SDK1: variants seen among roughly 807,000 people sequenced by gnomAD.
SDK1 encodes the protein sidekick cell adhesion molecule 1.
In SDK1, 157 loss-of-function variants were observed where a neutral mutation model predicts 245.5. That is an observed-to-expected ratio of 0.64 (90% CI 0.56 to 0.73). SDK1 has a LOEUF of 0.73. SDK1 is among the 30% of genes least tolerant of loss of function. The pLI, the probability that SDK1 is intolerant of heterozygous loss-of-function variation, is 0.00. For synonymous variants in SDK1, 1,647 were observed against 1,278.5 expected, an observed-to-expected ratio of 1.29 and a Z score of -6.15; for missense variants, 3,583 against 3,002.3, an observed-to-expected ratio of 1.19 and a Z score of -4.52.
At chr7:3,955,572 G>A (rs1481523501) in intron 7 of SDK1, among the ~76,000 whole-genome samples, 4 of 152,204 alleles carry the variant, frequency 2.6e-5, no homozygotes, top group East Asian at 1.9e-4. Flanking sequence ...GTGGACTAGC[G>A]TGCAGTGCAG....
At chr7:4,085,491 G>A (rs1388154751) in intron 22 of SDK1, among the ~76,000 whole-genome samples, 1 of 151,992 alleles carries the variant, frequency 6.6e-6, no homozygotes, top group African/African-American at 2.4e-5. Context: ...TTCATTTCAG[G>A]ACTTGTTTTG....
chr7:3,411,208 A>G (rs921727959), intron 1 of SDK1, among the ~76,000 whole-genome samples: 4 of 152,118 alleles, frequency 2.6e-5, no homozygotes, highest in African/African-American at 7.2e-5. Context: ...AAGAGGAAGA[A>G]TCATGTAGTT....
chr7:3,396,217 A>T (rs991084016), intron 1 of SDK1, among the ~76,000 whole-genome samples: 2 of 151,702 alleles, frequency 1.3e-5, no homozygotes, highest in African/African-American at 4.8e-5. Context: ...TTTTTCTTTG[A>T]CCCGTATTTA....
At chr7:3,607,262 C>G (rs1236448673) in intron 1 of SDK1, among the ~76,000 whole-genome samples, 1 of 152,080 alleles carries the variant, frequency 6.6e-6, no homozygotes, top group Non-Finnish European at 1.5e-5. Context: ...TTCATAAGCA[C>G]CTTAGATCCT....
chr7:3,315,070 A>G (rs1436653592), intron 1 of SDK1, among the ~76,000 whole-genome samples: 3 of 152,148 alleles, frequency 2.0e-5, no homozygotes, highest in South Asian at 2.1e-4. Context: ...GGTGACCTTC[A>G]CAAATGATGA....
At chr7:4,131,714 C>A (rs998168853) in intron 27 of SDK1, among the ~76,000 whole-genome samples, 11 of 151,812 alleles carry the variant, frequency 7.2e-5, no homozygotes, top group Non-Finnish European at 2.9e-5. Flanking sequence ...CACCTAGCTG[C>A]TTTTTCAGTT....
rs139298619 is a variant in SDK1 at position 3,451,306 on chromosome 7, G to T, written c.298+149422G>T. On this transcript the variant is annotated intron_variant, in intron 1 of 44. Transcript: ENST00000404826. ...AGGGACCGCTTTCCCACTGAGTCTG[G>T]AGAGAGGAAGGAACGTTTTAGGATT... Among the ~76,000 whole-genome samples, 11 of 152,294 alleles carry T rather than the reference G, an allele frequency of 7.2e-5. No homozygotes were observed. In the South Asian group the frequency reaches 1.5e-3, roughly 20 times the overall value.
intron 5 of SDK1, among the ~76,000 whole-genome samples, chr7:3,873,854 T>C (rs1781013090): frequency 6.6e-6 from 1 of 152,220 alleles, no homozygotes; most frequent in African/African-American, 2.4e-5. Flanking sequence ...TCCTATATGT[T>C]ATTTACTATT....
intron 4 of SDK1, among the ~76,000 whole-genome samples, chr7:3,702,146 T>G (rs1489213454): frequency 6.6e-6 from 1 of 152,128 alleles, no homozygotes; most frequent in African/African-American, 2.4e-5. Flanking sequence ...AAGTTGGAAT[T>G]CATTAAAATT....
intron 5 of SDK1, among the ~76,000 whole-genome samples, chr7:3,862,946 T>A (rs1156515017): frequency 6.7e-6 from 1 of 150,290 alleles, no homozygotes; most frequent in African/African-American, 2.5e-5. Flanking sequence ...GGGAATCCAG[T>A]GCCACCGCTG....
chr7:3,649,344 A>G (rs1583270252), intron 4 of SDK1, among the ~76,000 whole-genome samples: 2 of 152,020 alleles, frequency 1.3e-5, no homozygotes, highest in African/African-American at 4.8e-5. Flanking sequence ...AGATGGATGA[A>G]TTTCAATAAA....
rs552602362 is a variant in SDK1, at chr7:3,479,500, A to G, written c.299-139580A>G. On this transcript the variant is annotated intron_variant, in intron 1 of 44. Coordinates refer to ENST00000404826, the MANE Select transcript of SDK1 (RefSeq NM_152744.4). ...GGCTCTAAAAATATCTGTTAATCAT[A>G]TTGTCTAAATTGTCAATATATTTAA... Among the ~76,000 whole-genome samples the G allele has an allele frequency of 6.6e-5, 10 of 151,214 alleles. No individual in the cohort carries two copies. In the South Asian group the frequency reaches 2.1e-3, roughly 32 times the overall value.
chr7:3,833,657 T>G (rs900234615), intron 5 of SDK1, among the ~76,000 whole-genome samples: 1 of 152,248 alleles, frequency 6.6e-6, no homozygotes, highest in Non-Finnish European at 1.5e-5. Context: ...TCATACTTCG[T>G]TAGCCTACTC....
intron 1 of SDK1, among the ~76,000 whole-genome samples, chr7:3,457,300 C>G (rs890168967): frequency 1.3e-5 from 2 of 152,182 alleles, no homozygotes; most frequent in Non-Finnish European, 2.9e-5. Context: ...TCCCTTCAGT[C>G]TTGGCCTTCC....
chr7:3,373,997 A>C (rs1781292072), intron 1 of SDK1, among the ~76,000 whole-genome samples: 1 of 152,224 alleles, frequency 6.6e-6, no homozygotes, highest in Non-Finnish European at 1.5e-5. Context: ...TTTTAACATA[A>C]GAATAGCTAA....
intron 4 of SDK1, among the ~76,000 whole-genome samples, chr7:3,666,089 C>G (rs901203976): frequency 6.6e-6 from 1 of 152,174 alleles, no homozygotes; most frequent in African/African-American, 2.4e-5. Context: ...TCCAAGTATC[C>G]AGCTTTGTCC....
intron 1 of SDK1, among the ~76,000 whole-genome samples, chr7:3,398,088 A>ATAACTGTAGGTTTAACGTTTTCTG (rs1778773020): frequency 6.6e-6 from 1 of 151,874 alleles, no homozygotes; most frequent in Non-Finnish European, 1.5e-5. Flanking sequence ...AACGTTTTCT[A>ATAACTGTAGGTTTAACGTTTTCTG]TAACTGTAGG....
intron 1 of SDK1, among the ~76,000 whole-genome samples, chr7:3,353,276 C>T (rs1213371361): frequency 1.3e-5 from 2 of 152,122 alleles, no homozygotes; most frequent in South Asian, 2.1e-4. Flanking sequence ...TGAATAGCCA[C>T]TTACAAACTT....
rs1013430990 is a variant in SDK1, at chr7:3,848,388, G to C, written c.847+26805G>C. Among the ~76,000 whole-genome samples, 5 of 152,186 alleles carry C rather than the reference G, an allele frequency of 3.3e-5. No individual in the cohort carries two copies. In the East Asian group the frequency reaches 7.7e-4, roughly 24 times the overall value. On this transcript the variant is annotated intron_variant, in intron 5 of 44. Coordinates refer to ENST00000404826, the MANE Select transcript of SDK1 (RefSeq NM_152744.4). The stretch of plus-strand genomic sequence containing the variant: ...TTCCTGACAGTCCTGTCTTCCTTAC[G>C]TCCTTCAGATGCAGGATGACAGGAG...
Sources: gnomAD v4.1 joint callset for allele counts (sites outside exome capture counted in the v4.1 genomes callset) on GRCh38, gnomAD v4.1.1 for gene constraint, MANE v1.5 for transcripts, NCBI Gene and HGNC (gene_info 2026-07-23, HGNC 2026-07-21) for gene names.